CAV1: variants seen among roughly 807,000 people sequenced by gnomAD.
CAV1 encodes caveolin 1.
CAV1 carries 10 observed loss-of-function variants against 16.5 expected under a neutral mutation model. That is an observed-to-expected ratio of 0.61 (90% CI 0.37 to 1.03). The LOEUF (loss-of-function observed/expected upper bound fraction) is 1.03. Among genes scored for constraint, CAV1 ranks in the 50% least tolerant of loss-of-function variants. The pLI, the probability that CAV1 is intolerant of heterozygous loss-of-function variation, is 0.01. For synonymous variants in CAV1, 76 were observed against 85.1 expected (o/e 0.89, Z 0.59); for missense variants, 212 against 232.8 (o/e 0.91, Z 0.58).
At chr7:116,544,727 C>T (rs1794005789) in intron 2 of CAV1, among the ~76,000 whole-genome samples, 2 of 152,138 alleles carry the variant, frequency 1.3e-5, no homozygotes, top group African/African-American at 4.8e-5. Context: ...CTCAAGATTC[C>T]AGTCTGAATT....
At chr7:116,556,811 A>T (rs946096853) in intron 2 of CAV1, among the ~76,000 whole-genome samples, 2 of 152,156 alleles carry the variant, frequency 1.3e-5, no homozygotes, top group Non-Finnish European at 2.9e-5. Flanking sequence ...ATTTCAGGGC[A>T]GTCATGGATG....
chr7:116,550,522 G>A (rs1433452549), intron 2 of CAV1, among the ~76,000 whole-genome samples: 2 of 152,112 alleles, frequency 1.3e-5, no homozygotes. Flanking sequence ...AGTAAAGATT[G>A]CCCCTGAGAA....
At chr7:116,552,347 G>C (rs1794180620) in intron 2 of CAV1, among the ~76,000 whole-genome samples, 2 of 152,190 alleles carry the variant, frequency 1.3e-5, no homozygotes, top group African/African-American at 2.4e-5. Context: ...TGTGGTAATA[G>C]AGACCAGTAG....
At position 116,553,395 on chromosome 7, in the gene CAV1, T is replaced by C. The variant is rs186892071; in HGVS notation, c.196-5551T>C. Among the ~76,000 whole-genome samples, 966 of 152,186 alleles carry C rather than the reference T, an allele frequency of 6.3e-3. 3 individuals are homozygous for C. Among genetic ancestry groups the C allele is most frequent in the Non-Finnish European group, 9.2e-3 (627 of 67,998 alleles). On this transcript the variant is annotated intron_variant, in intron 2 of 2. Transcript: ENST00000341049. The stretch of plus-strand genomic sequence containing the variant: ...GCCAATGCTGCACAAAGGTATTTCA[T>C]GTCATTTATAAAAATCTAGTAATGT...
At chr7:116,539,671 A>C (rs1417742631) in intron 2 of CAV1, among the ~76,000 whole-genome samples, 1 of 151,950 alleles carries the variant, frequency 6.6e-6, no homozygotes, top group African/African-American at 2.4e-5. Flanking sequence ...CTTTTTTTTT[A>C]AGTCTCCAGG....
rs916781925 is a variant in CAV1 at position 116,559,980 on chromosome 7, G to T, written c.*693G>T. The T allele has an allele frequency of 7.6e-6, 3 of 397,010 alleles. No homozygotes were observed. Among genetic ancestry groups the T allele is most frequent in the Non-Finnish European group, 8.9e-6 (2 of 225,328 alleles). 24.6% of individuals were successfully genotyped at this position (397,010 alleles called of 1,614,324 possible). A position where few individuals can be genotyped will look rare whatever the true frequency, so the allele number is the denominator to read the frequency against. On this transcript the variant is annotated 3_prime_UTR_variant, in exon 3 of 3. Coordinates refer to ENST00000341049, the MANE Select transcript of CAV1 (RefSeq NM_001753.5). ...TTTCACATTTTCCTTTTCAAATAGG[G>T]TCTAACTCAGCAACTCGCTTTAGGT...
intron 2 of CAV1, among the ~76,000 whole-genome samples, chr7:116,550,911 G>T (rs1020910551): frequency 8.5e-5 from 13 of 152,080 alleles, no homozygotes; most frequent in Admixed American, 7.9e-4. Flanking sequence ...ATTAGCAAAA[G>T]CCTCTCAAAA....
intron 2 of CAV1, among the ~76,000 whole-genome samples, chr7:116,547,167 G>A (rs1337330333): frequency 3.3e-5 from 5 of 152,104 alleles, no homozygotes; most frequent in African/African-American, 1.2e-4. Context: ...CATCTGCAAT[G>A]ACCCTATATC....
chr7:116,555,564 GAAAGAAAGAA>G (rs1794268145), intron 2 of CAV1, among the ~76,000 whole-genome samples: 3 of 51,414 alleles, frequency 5.8e-5, no homozygotes, highest in South Asian at 1.1e-3. Context: ...AAGAAAGAAA[GAAAGAAAGAA>G]AGAAAGAAAG....
At chr7:116,527,740 G>A (rs1423740341) in intron 2 of CAV1, among the ~76,000 whole-genome samples, 1 of 152,182 alleles carries the variant, frequency 6.6e-6, no homozygotes, top group Non-Finnish European at 1.5e-5. Flanking sequence ...AGCAATCAAT[G>A]AGGCGGATGA....
intron 2 of CAV1, among the ~76,000 whole-genome samples, chr7:116,534,397 T>TATATATA (rs1793764146): frequency 9.2e-5 from 1 of 10,854 alleles, no homozygotes. Flanking sequence ...ATATATATAT[T>TATATATA]TTTTTTTTTT....
intron 2 of CAV1, among the ~76,000 whole-genome samples, chr7:116,530,440 A>G (rs1455794832): frequency 6.6e-6 from 1 of 152,208 alleles, no homozygotes; most frequent in Non-Finnish European, 1.5e-5. Flanking sequence ...TGAATATTGC[A>G]TAACAAAAAG....
intron 2 of CAV1, among the ~76,000 whole-genome samples, chr7:116,552,306 A>G (rs1218773527): frequency 2.0e-5 from 3 of 152,200 alleles, no homozygotes; most frequent in African/African-American, 2.4e-5. Context: ...ATGTAAAGCA[A>G]ACATTTTCTG....
chr7:116,558,686 G>A (rs1488675017), intron 2 of CAV1, among the ~76,000 whole-genome samples: 3 of 151,776 alleles, frequency 2.0e-5, no homozygotes, highest in Admixed American at 1.3e-4. Context: ...CTGGGAAGTC[G>A]AAGCTGCAGT....
At chr7:116,535,290 C>T (rs1793785582) in intron 2 of CAV1, among the ~76,000 whole-genome samples, 1 of 152,206 alleles carries the variant, frequency 6.6e-6, no homozygotes, top group Non-Finnish European at 1.5e-5. Context: ...TTTCTACATT[C>T]CAGGCATGTC....
intron 2 of CAV1, among the ~76,000 whole-genome samples, chr7:116,545,181 T>A (rs1463876179): frequency 6.6e-6 from 1 of 152,216 alleles, no homozygotes; most frequent in East Asian, 1.9e-4. Flanking sequence ...TGGCATTGTC[T>A]GGAGATAGTT....
At chr7:116,556,164 A>C (rs1794290509) in intron 2 of CAV1, among the ~76,000 whole-genome samples, 1 of 152,224 alleles carries the variant, frequency 6.6e-6, no homozygotes, top group Admixed American at 6.5e-5. Context: ...AAAGTGTAAG[A>C]ATCTCCTATG....
chr7:116,551,323 C>T (rs1206312953), intron 2 of CAV1, among the ~76,000 whole-genome samples: 1 of 152,184 alleles, frequency 6.6e-6, no homozygotes, highest in Non-Finnish European at 1.5e-5. Context: ...GGAGCTGGTC[C>T]TTGGTGCATA....
chr7:116,558,532 G>C (rs1180399270), intron 2 of CAV1, among the ~76,000 whole-genome samples: 1 of 150,266 alleles, frequency 6.7e-6, no homozygotes, highest in African/African-American at 2.5e-5. Context: ...TGGATTCCTT[G>C]ATCTCAGGCG....
Sources: allele counts gnomAD v4.1 joint callset (sites outside exome capture counted in the v4.1 genomes callset), GRCh38; gene constraint gnomAD v4.1.1; transcripts MANE v1.5; gene names NCBI Gene and HGNC (gene_info 2026-07-23, HGNC 2026-07-21).